Variants in NFKB1 observed in about 807,000 individuals in gnomAD.
NFKB1 encodes the protein nuclear factor NF-kappa-B p105 subunit.
Under a neutral mutation model 105.1 loss-of-function variants are expected in NFKB1, and 9 were observed. That is an observed-to-expected ratio of 0.09 (90% CI 0.05 to 0.15). The LOEUF is 0.15. Among genes scored for constraint, NFKB1 ranks in the 10% least tolerant of loss-of-function variants. The pLI, the probability that NFKB1 is intolerant of heterozygous loss-of-function variation, is 1.00. For missense variants in NFKB1, 830 were observed against 1,203.7 expected (o/e 0.69, Z 4.59); for synonymous variants, 440 against 442.2 (o/e 1.00, Z 0.06).
intron 4 of NFKB1, among the ~76,000 whole-genome samples, chr4:102,536,679 A>G (rs1741658847): frequency 6.6e-6 from 1 of 152,120 alleles, no homozygotes; most frequent in Non-Finnish European, 1.5e-5. Flanking sequence ...TCCACAATTT[A>G]ATGAGTAAGG....
Position 102,610,471 on chromosome 4 carries a change from C to T in NFKB1, c.2228-104C>T. ...ATTTAAAAATTATCCAGGAGATTGC[C>T]TCAAGCTGCTACATTGCTTTGCCTT... is the stretch of plus-strand genomic sequence containing the variant. On this transcript the variant is annotated intron_variant, in intron 19 of 23. Transcript: ENST00000226574. 5.0e-6 allele frequency: 6 copies of T among 1,206,392 alleles called. No homozygotes were observed. The South Asian group carries it at 1.0e-4, about 21-fold the overall frequency. The allele number at this position is 1,206,392 out of a possible 1,614,324, so 74.7% of individuals were successfully genotyped here. A position where few individuals can be genotyped will look rare whatever the true frequency, so the allele number is the denominator to read the frequency against.
At chr4:102,530,966 A>G (rs72929600) in intron 3 of NFKB1, among the ~76,000 whole-genome samples, 2,037 of 152,246 alleles carry the variant, frequency 0.013, 54 homozygotes, top group African/African-American at 0.046. Flanking sequence ...GTGCTGTCCA[A>G]TTTGAGCTCT....
At chr4:102,546,052 G>A (rs1326507968) in intron 5 of NFKB1, among the ~76,000 whole-genome samples, 1 of 152,052 alleles carries the variant, frequency 6.6e-6, no homozygotes, top group Non-Finnish European at 1.5e-5. Flanking sequence ...CCAGGATTTT[G>A]AGGCCAGCAT....
chr4:102,539,057 T>C (rs993099307), intron 5 of NFKB1, among the ~76,000 whole-genome samples: 8 of 151,774 alleles, frequency 5.3e-5, no homozygotes, highest in African/African-American at 1.9e-4. Context: ...GCCAATATGG[T>C]GAAACCCCAT....
intron 7 of NFKB1, chr4:102,578,258 C>A (rs149137554): frequency 6.6e-6 from 1 of 152,464 alleles, no homozygotes; most frequent in African/African-American, 2.4e-5. Context: ...TCTTTGAAAT[C>A]CCACATCACT....
At chr4:102,527,292 A>G (rs1333207625) in intron 2 of NFKB1, among the ~76,000 whole-genome samples, 2 of 152,232 alleles carry the variant, frequency 1.3e-5, no homozygotes, top group East Asian at 3.8e-4. Context: ...CCTTGGAGGA[A>G]GAGCAGAGTT....
chr4:102,600,253 C>CA (rs1182437999), intron 15 of NFKB1, among the ~76,000 whole-genome samples: 1 of 152,118 alleles, frequency 6.6e-6, no homozygotes, highest in Non-Finnish European at 1.5e-5. Context: ...AAAAACATTC[C>CA]AGGCAGAGGG....
At chr4:102,578,839 A>C in intron 7 of NFKB1, 42 bp from the exon 8 acceptor site, 1 of 1,580,228 alleles carries the variant, frequency 6.3e-7, no homozygotes, top group Non-Finnish European at 8.6e-7. Flanking sequence ...TTAAATGTTC[A>C]CACTTCCCTG....
At chr4:102,502,702 A>G (rs1739169257) in intron 1 of NFKB1, among the ~76,000 whole-genome samples, 1 of 152,162 alleles carries the variant, frequency 6.6e-6, no homozygotes, top group Non-Finnish European at 1.5e-5. Context: ...CTCAAATGGG[A>G]CTTAATGATA....
intron 1 of NFKB1, among the ~76,000 whole-genome samples, chr4:102,508,968 G>A (rs1039820536): frequency 6.6e-6 from 1 of 152,268 alleles, no homozygotes; most frequent in South Asian, 2.1e-4. Flanking sequence ...AATGAAAGAA[G>A]TAAGAGAGAT....
intron 11 of NFKB1, among the ~76,000 whole-genome samples, chr4:102,588,471 A>C (rs911553761): frequency 6.6e-6 from 1 of 152,112 alleles, no homozygotes; most frequent in Non-Finnish European, 1.5e-5. Context: ...AAAATAAAAG[A>C]GACCATAATG....
intron 5 of NFKB1, among the ~76,000 whole-genome samples, chr4:102,546,074 T>TG (rs1722117257): frequency 6.6e-6 from 1 of 152,078 alleles, no homozygotes; most frequent in Admixed American, 6.6e-5. Flanking sequence ...GGCAACATAG[T>TG]GAGACCCTGT....
At chr4:102,532,417 A>C (rs1445168099) in intron 3 of NFKB1, among the ~76,000 whole-genome samples, 1 of 152,188 alleles carries the variant, frequency 6.6e-6, no homozygotes, top group African/African-American at 2.4e-5. Context: ...TCACGAGCTC[A>C]GGAGTTCAAG....
intron 8 of NFKB1, among the ~76,000 whole-genome samples, chr4:102,580,086 T>C (rs1725206008): frequency 6.6e-6 from 1 of 152,170 alleles, no homozygotes; most frequent in African/African-American, 2.4e-5. Context: ...TTTCCTTACC[T>C]GTAAAATAAA....
In NFKB1 at chr4:102,538,068, T is replaced by C. The variant is rs1337005084; in HGVS notation, c.258+112T>C. 1.4e-5 allele frequency: 8 copies of C among 555,224 alleles called. No individual in the cohort carries two copies. The Admixed American group carries it at 1.6e-4, about 11-fold the overall frequency. The allele number at this position is 555,224 out of a possible 1,614,324, so 34.4% of individuals were successfully genotyped here. A position where few individuals can be genotyped will look rare whatever the true frequency, so the allele number is the denominator to read the frequency against. ...GGTTGCCTTCGCTCCTAAGCTGAAG[T>C]GTTCACATGATTATTAAAATTTTTA... On this transcript the variant is annotated intron_variant, in intron 5 of 23. Transcript: ENST00000226574.
intron 5 of NFKB1, among the ~76,000 whole-genome samples, chr4:102,550,903 A>G (rs943283512): frequency 6.6e-6 from 1 of 152,162 alleles, no homozygotes; most frequent in African/African-American, 2.4e-5. Flanking sequence ...TTTTTTGAAT[A>G]TCAACATTTG....
At chr4:102,554,874 C>T (rs1403673900) in intron 5 of NFKB1, among the ~76,000 whole-genome samples, 1 of 152,070 alleles carries the variant, frequency 6.6e-6, no homozygotes, top group Non-Finnish European at 1.5e-5. Context: ...GTCTCAAGGT[C>T]GAATTCTATT....
rs181350904 is a variant in NFKB1, at chr4:102,602,630, T to A, written c.1752+1621T>A. Among the ~76,000 whole-genome samples, 532 of 152,172 alleles carry A rather than the reference T, an allele frequency of 3.5e-3. 4 individuals are homozygous for A. The highest frequency in any genetic ancestry group is 0.012 in the African/African-American group (510 of 41,512). ...GCTCTTAATAGTTTTTACCTGTGAC[T>A]AGGTAAAAATTAATAGGTTTCCTGA... On this transcript the variant is annotated intron_variant, in intron 16 of 23. Transcript: ENST00000226574.
chr4:102,579,067 A>G, intron 8 of NFKB1, 28 bp downstream of exon 8: 1 of 1,602,796 alleles, frequency 6.2e-7, no homozygotes, highest in African/African-American at 1.3e-5. Context: ...AACAGGGGGC[A>G]CACCAAGAAT....
Sources: gnomAD v4.1 joint callset for allele counts (sites outside exome capture counted in the v4.1 genomes callset) on GRCh38, gnomAD v4.1.1 for gene constraint, MANE v1.5 for transcripts, NCBI Gene and HGNC (gene_info 2026-07-23, HGNC 2026-07-21) for gene names.